Variants in CSMD1 observed in about 807,000 individuals in gnomAD.
CSMD1 encodes the protein CUB and sushi domain-containing protein 1.
In CSMD1, 213 loss-of-function variants were observed where a neutral mutation model predicts 417.5. The ratio of observed to expected loss-of-function variants is 0.51; its 90% CI spans 0.46 to 0.57. The LOEUF (loss-of-function observed/expected upper bound fraction) is 0.57. CSMD1 is among the 20% of genes least tolerant of loss of function. The probability of loss-of-function intolerance (pLI) is 0.00; values close to 1 mark genes in which losing one functional copy is unlikely to be tolerated. For missense variants in CSMD1, 6,923 were observed against 4,529.7 expected, an observed-to-expected ratio of 1.53 and a Z score of -15.17; for synonymous variants, 2,862 against 1,736.8, an observed-to-expected ratio of 1.65 and a Z score of -16.11.
intron 5 of CSMD1, among the ~76,000 whole-genome samples, chr8:3,757,336 G>A (rs1027071247): frequency 1.3e-5 from 2 of 152,216 alleles, no homozygotes; most frequent in Non-Finnish European, 2.9e-5. Context: ...GTTCAACTTT[G>A]CAGGTGTAGT....
At chr8:3,360,845 C>G (rs1304737957) in intron 20 of CSMD1, among the ~76,000 whole-genome samples, 1 of 149,572 alleles carries the variant, frequency 6.7e-6, no homozygotes, top group Non-Finnish European at 1.5e-5. Context: ...TTCCTCAAAT[C>G]TGATCCTTCT....
chr8:3,766,022 C>T (rs1373359955), intron 5 of CSMD1, among the ~76,000 whole-genome samples: 1 of 152,158 alleles, frequency 6.6e-6, no homozygotes. Flanking sequence ...TGTGACAAAG[C>T]CCATCTTCTT....
intron 5 of CSMD1, among the ~76,000 whole-genome samples, chr8:3,879,383 T>C (rs1216392236): frequency 6.6e-6 from 1 of 152,150 alleles, no homozygotes; most frequent in Non-Finnish European, 1.5e-5. Context: ...ACATAAAGTA[T>C]TCATACACTG....
intron 6 of CSMD1, among the ~76,000 whole-genome samples, chr8:3,752,676 CAAAAAAAAAAAAAAAAAA>C (rs200769696): frequency 3.1e-5 from 3 of 96,924 alleles, no homozygotes; most frequent in African/African-American, 4.7e-5. Flanking sequence ...CCCCGCCTGG[CAAAAAAAAAAAAAAAAAA>C]AAAAAAAAAA....
chr8:4,165,169 C>A (rs903158583), intron 3 of CSMD1, among the ~76,000 whole-genome samples: 2 of 152,082 alleles, frequency 1.3e-5, no homozygotes, highest in Non-Finnish European at 2.9e-5. Flanking sequence ...TAATATGATA[C>A]CTACGCCTAG....
rs1280626520 is a variant in CSMD1, at chr8:4,994,685, C to G, written c.-269G>C. On this transcript the variant is annotated 5_prime_UTR_variant, in exon 1 of 70. Transcript: ENST00000635120. ...GCCGGGGCCGGGGACGAGCGCCGGC[C>G]GAGCCGGGCAGGAAGGCACCAAGGC... is the stretch of plus-strand genomic sequence containing the variant. The G allele has an allele frequency of 7.7e-6, 3 of 388,880 alleles. No homozygotes were observed. Among genetic ancestry groups the G allele is most frequent in the Admixed American group, 4.5e-5 (1 of 22,120 alleles). 24.1% of individuals were successfully genotyped at this position (388,880 alleles called of 1,614,324 possible).
intron 5 of CSMD1, among the ~76,000 whole-genome samples, chr8:3,877,513 T>C (rs1322243562): frequency 6.6e-6 from 1 of 152,118 alleles, no homozygotes; most frequent in Non-Finnish European, 1.5e-5. Context: ...TACTTATGGA[T>C]ACCCTCAAGC....
intron 18 of CSMD1, among the ~76,000 whole-genome samples, chr8:3,377,420 A>G (rs1421011811): frequency 6.6e-6 from 1 of 152,246 alleles, no homozygotes; most frequent in African/African-American, 2.4e-5. Context: ...TCAAATTTAC[A>G]TACATTTATA....
chr8:3,921,736 G>C (rs1031841522), intron 5 of CSMD1, among the ~76,000 whole-genome samples: 5 of 152,124 alleles, frequency 3.3e-5, no homozygotes, highest in Admixed American at 2.0e-4. Context: ...TAATATAAGA[G>C]TCAGGAAAGT....
intron 3 of CSMD1, among the ~76,000 whole-genome samples, chr8:4,083,658 A>T (rs1305709595): frequency 2.0e-5 from 3 of 152,154 alleles, no homozygotes; most frequent in Admixed American, 2.0e-4. Flanking sequence ...CTGAAACTGG[A>T]TCCCTTCCTT....
intron 5 of CSMD1, among the ~76,000 whole-genome samples, chr8:3,804,284 A>T (rs1224742210): frequency 6.6e-6 from 1 of 152,176 alleles, no homozygotes; most frequent in East Asian, 1.9e-4. Flanking sequence ...CAGGTGCAGA[A>T]TACTAAAATA....
chr8:4,414,582 T>G (rs747878510), intron 3 of CSMD1, among the ~76,000 whole-genome samples: 8 of 152,076 alleles, frequency 5.3e-5, no homozygotes, highest in Non-Finnish European at 8.8e-5. Context: ...CTCTTTATCT[T>G]TAAATCAATT....
chr8:4,497,179 A>T (rs1012692780), intron 2 of CSMD1, among the ~76,000 whole-genome samples: 1 of 152,084 alleles, frequency 6.6e-6, no homozygotes. Context: ...ATTCCAGAGC[A>T]TGTGGTCTTT....
chr8:4,530,232 T>G (rs1336225990), intron 2 of CSMD1, among the ~76,000 whole-genome samples: 1 of 150,866 alleles, frequency 6.6e-6, no homozygotes. Context: ...TATTTGTGAC[T>G]GCATACCATG....
intron 5 of CSMD1, among the ~76,000 whole-genome samples, chr8:3,836,939 A>C (rs568021269): frequency 6.6e-6 from 1 of 152,168 alleles, no homozygotes; most frequent in African/African-American, 2.4e-5. Context: ...TCAATGCACT[A>C]AAGTTGGCAA....
rs569408251 is a variant in CSMD1, at chr8:4,385,910, C to T, written c.415+34043G>A. Among the ~76,000 whole-genome samples the T allele has an allele frequency of 3.3e-5, 5 of 152,270 alleles. No homozygotes were observed. The South Asian group carries it at 8.3e-4, about 25-fold the overall frequency. ...CAGAATTTTCTCAGAACCAGTTCTC[C>T]AGGAATTCCAGAGTTTCTCACCCCT... On this transcript the variant is annotated intron_variant, in intron 3 of 69. Coordinates refer to ENST00000635120, the MANE Select transcript of CSMD1 (RefSeq NM_033225.6).
At chr8:3,601,091 T>C (rs76196292) in intron 8 of CSMD1, among the ~76,000 whole-genome samples, 4,654 of 152,240 alleles carry the variant, frequency 0.031, 85 homozygotes, top group Middle Eastern at 0.082. Context: ...TCATACATGC[T>C]AGAAACCTCC....
Position 3,528,167 on chromosome 8 carries a change from A to G in CSMD1, c.1345-34441T>C, listed in dbSNP as rs369557125. ...TGACATAGAATTATTTTGCATGGTT[A>G]ACTCCCCTGGTAGAATCAAAGTTTG... On this transcript the variant is annotated intron_variant, in intron 10 of 69. Transcript: ENST00000635120. 6.6e-5 allele frequency among the ~76,000 whole-genome samples: 10 copies of G among 152,340 alleles called. No homozygotes were observed. In the East Asian group the frequency reaches 1.9e-3, roughly 29 times the overall value.
At chr8:4,338,201 G>C (rs938982396) in intron 3 of CSMD1, among the ~76,000 whole-genome samples, 2 of 152,128 alleles carry the variant, frequency 1.3e-5, no homozygotes, top group African/African-American at 2.4e-5. Context: ...TTAGATTAGA[G>C]ATGCATGTCA....
Sources: gnomAD v4.1 joint callset for allele counts (sites outside exome capture counted in the v4.1 genomes callset) on GRCh38, gnomAD v4.1.1 for gene constraint, MANE v1.5 for transcripts, NCBI Gene and HGNC (gene_info 2026-07-23, HGNC 2026-07-21) for gene names.